The following CUEDC1 variants were observed in gnomAD, a reference collection of about 807,000 sequenced individuals.
CUEDC1 encodes CUE domain containing 1.
CUEDC1 carries 30 observed loss-of-function variants against 43.7 expected under a neutral mutation model. That is an observed-to-expected ratio of 0.69 (90% confidence interval 0.51 to 0.93). The LOEUF is 0.93. Among genes scored for constraint, CUEDC1 ranks in the 40% least tolerant of loss-of-function variants. CUEDC1 has a pLI of 0.00. For missense variants in CUEDC1, 486 were observed against 549.0 expected (o/e 0.89, Z 1.15); for synonymous variants, 223 against 223.6 (o/e 1.00, Z 0.02).
chr17:57,903,390 G>C (rs1211338564), intron 1 of CUEDC1: 2 of 152,300 alleles, frequency 1.3e-5, no homozygotes. Flanking sequence ...GGCCACACTT[G>C]AAAATTATTA....
At chr17:57,952,598 G>C (rs1273483791) in intron 1 of CUEDC1, among the ~76,000 whole-genome samples, 2 of 152,124 alleles carry the variant, frequency 1.3e-5, no homozygotes, top group Non-Finnish European at 2.9e-5. Context: ...ACCTCCTCCA[G>C]CTCACCTTGG....
In CUEDC1 at chr17:57,933,128, T is replaced by G. The variant is rs1028943696; in HGVS notation, c.-316+22097A>C. 2.0e-4 allele frequency among the ~76,000 whole-genome samples: 31 copies of G among 152,242 alleles called. 1 individual carries two copies. The highest frequency in any genetic ancestry group is 7.5e-4 in the African/African-American group (31 of 41,540). On this transcript the variant is annotated intron_variant, in intron 1 of 10. Transcript: ENST00000577830. ...ACCCTGGCTGCCCAATAGAAACACC[T>G]GGGCAATGTATAAAATTTACCCCTG...
chr17:57,911,880 T>C (rs541555269), intron 1 of CUEDC1, among the ~76,000 whole-genome samples: 18 of 152,334 alleles, frequency 1.2e-4, no homozygotes, highest in Admixed American at 9.8e-4. Context: ...GCATTCCTCA[T>C]GTCCCAGGTG....
intron 1 of CUEDC1, among the ~76,000 whole-genome samples, chr17:57,896,277 A>G (rs1207253760): frequency 1.3e-5 from 2 of 152,182 alleles, no homozygotes; most frequent in Non-Finnish European, 2.9e-5. Context: ...TAATAGTCTA[A>G]CAGCAGAAGA....
chr17:57,862,007 C>T lies in CUEDC1; in HGVS notation c.*1282G>A, dbSNP rs1401435447. ...CAGGGTGGGCGGGACGAGGTGCGAT[C>T]GCCGGCTCGCCTTCGCTACGCCCTT... is the stretch of plus-strand genomic sequence containing the variant. On this transcript the variant is annotated 3_prime_UTR_variant, in exon 11 of 11. Transcript: ENST00000577830. The T allele has an allele frequency of 6.6e-6, 1 of 152,226 alleles. No individual in the cohort carries two copies. The highest frequency in any genetic ancestry group is 2.4e-5 in the African/African-American group (1 of 41,468). 9.4% of individuals were successfully genotyped at this position (152,226 alleles called of 1,614,324 possible). A position where few individuals can be genotyped will look rare whatever the true frequency, so the allele number is the denominator to read the frequency against.
At chr17:57,897,654 GAAAAAA>G (rs58748550) in intron 1 of CUEDC1, among the ~76,000 whole-genome samples, 24,338 of 109,548 alleles carry the variant, frequency 0.22, 2,690 homozygotes, top group African/African-American at 0.38. Context: ...TGGTCTCAAT[GAAAAAA>G]AAAAAAAAAA....
chr17:57,944,377 A>C (rs906086398), intron 1 of CUEDC1, among the ~76,000 whole-genome samples: 2 of 151,756 alleles, frequency 1.3e-5, no homozygotes, highest in Non-Finnish European at 2.9e-5. Flanking sequence ...CGCCCGGCTA[A>C]TTTTGTATTT....
intron 1 of CUEDC1, among the ~76,000 whole-genome samples, chr17:57,953,899 T>C (rs940119884): frequency 6.6e-6 from 1 of 152,164 alleles, no homozygotes. Context: ...ACGCTCCAGC[T>C]TCCTGGAGAC....
intron 1 of CUEDC1, among the ~76,000 whole-genome samples, chr17:57,903,769 T>C (rs2074498832): frequency 1.3e-5 from 2 of 151,982 alleles, no homozygotes; most frequent in Admixed American, 1.3e-4. Context: ...AGACCCTTTC[T>C]CTACACAAAA....
At chr17:57,907,368 G>A (rs1227753881) in intron 1 of CUEDC1, among the ~76,000 whole-genome samples, 1 of 152,220 alleles carries the variant, frequency 6.6e-6, no homozygotes. Flanking sequence ...AGGAGAGGCT[G>A]GGAGAAGAGG....
intron 1 of CUEDC1, among the ~76,000 whole-genome samples, chr17:57,942,377 CGTTT>C (rs935074852): frequency 3.3e-5 from 5 of 151,742 alleles, no homozygotes; most frequent in Non-Finnish European, 5.9e-5. Context: ...AGTTTTTTTT[CGTTT>C]GTTTGTTTGG....
rs906647339 is a variant in CUEDC1, at chr17:57,885,135, C to T, written c.336+94G>A. The T allele has an allele frequency of 6.1e-6, 9 of 1,469,872 alleles. No homozygotes were observed. The African/African-American group carries it at 1.3e-4, about 21-fold the overall frequency. 91.1% of individuals were successfully genotyped at this position (1,469,872 alleles called of 1,614,324 possible). A position where few individuals can be genotyped will look rare whatever the true frequency, so the allele number is the denominator to read the frequency against. Reference sequence around the variant, plus strand: ...AGTAACCCAGGTCCTCTTAGAGGTTCCAGTGGTGGTTGGAATTACCCGGGC... The same window carrying T: ...AGTAACCCAGGTCCTCTTAGAGGTTTCAGTGGTGGTTGGAATTACCCGGGC... On this transcript the variant is annotated intron_variant, in intron 2 of 10. Transcript: ENST00000577830.
At chr17:57,900,358 G>A (rs1294102545) in intron 1 of CUEDC1, among the ~76,000 whole-genome samples, 2 of 152,196 alleles carry the variant, frequency 1.3e-5, no homozygotes, top group Non-Finnish European at 2.9e-5. Context: ...AAACCAGGAT[G>A]AGCCCTCTGC....
chr17:57,887,340 A>G (rs1255838264), intron 1 of CUEDC1, among the ~76,000 whole-genome samples: 1 of 152,138 alleles, frequency 6.6e-6, no homozygotes, highest in Non-Finnish European at 1.5e-5. Flanking sequence ...AGCACAGACC[A>G]CTGGGAATGG....
intron 1 of CUEDC1, among the ~76,000 whole-genome samples, chr17:57,911,088 T>C (rs1361007893): frequency 6.6e-6 from 1 of 152,136 alleles, no homozygotes; most frequent in Non-Finnish European, 1.5e-5. Context: ...GCATCAGCGG[T>C]CCTCATGCTC....
chr17:57,876,022 C>T (rs1051346952), intron 3 of CUEDC1, among the ~76,000 whole-genome samples: 2 of 152,156 alleles, frequency 1.3e-5, no homozygotes, highest in African/African-American at 4.8e-5. Context: ...TACCCACGCT[C>T]CCAAACTCTG....
rs568281020 is a variant in CUEDC1 at position 57,862,393 on chromosome 17, C to G, written c.*896G>C. ...CACTCCAGGACCCACCGCTGCCCAC[C>G]CTCGGACAGCAGGGCTTCCAGTCCA... On this transcript the variant is annotated 3_prime_UTR_variant, in exon 11 of 11. Coordinates refer to ENST00000577830, the MANE Select transcript of CUEDC1 (RefSeq NM_001271875.2). 1.3e-5 allele frequency: 2 copies of G among 152,584 alleles called. No homozygotes were observed. Among genetic ancestry groups the G allele is most frequent in the Admixed American group, 6.5e-5 (1 of 15,308 alleles). The allele number at this position is 152,584 out of a possible 1,614,324, so 9.5% of individuals were successfully genotyped here.
intron 1 of CUEDC1, among the ~76,000 whole-genome samples, chr17:57,932,630 G>C (rs974716837): frequency 3.3e-5 from 5 of 149,274 alleles, no homozygotes; most frequent in African/African-American, 1.2e-4. Flanking sequence ...GGAGGGCCAA[G>C]GTGGTTGGAT....
chr17:57,867,063 T>C (rs1402309112), intron 9 of CUEDC1: 7 of 507,820 alleles, frequency 1.4e-5, no homozygotes, highest in Non-Finnish European at 2.2e-5. Flanking sequence ...GGGGCAGGCC[T>C]GTCTGCCACC....
Sources: allele counts gnomAD v4.1 joint callset (sites outside exome capture counted in the v4.1 genomes callset), GRCh38; gene constraint gnomAD v4.1.1; transcripts MANE v1.5; gene names NCBI Gene and HGNC (gene_info 2026-07-23, HGNC 2026-07-21).